Variants in APOOL observed in about 807,000 individuals in gnomAD.
APOOL encodes the protein MICOS complex subunit MIC27.
APOOL carries 12 observed loss-of-function variants against 23.1 expected under a neutral mutation model. The observed-to-expected ratio is 0.52, with a 90% CI of 0.33 to 0.84. APOOL has a LOEUF of 0.84. Among genes scored for constraint, APOOL ranks in the 40% least tolerant of loss-of-function variants. The probability of loss-of-function intolerance (pLI) is 0.02; values close to 1 mark genes in which losing one functional copy is unlikely to be tolerated. For synonymous variants in APOOL, 77 were observed against 69.9 expected (o/e 1.10, Z -0.51); for missense variants, 212 against 199.6 (o/e 1.06, Z -0.37).
intron 1 of APOOL, among the ~76,000 whole-genome samples, chrX:85,043,646 T>C (rs1428244520): frequency 8.9e-6 from 1 of 111,886 alleles, no homozygotes; most frequent in Non-Finnish European, 1.9e-5. Context: ...TAGTGACATG[T>C]ACTTCACCAG....
At chrX:85,037,795 A>G (rs991412489) in intron 1 of APOOL, among the ~76,000 whole-genome samples, 2 of 111,501 alleles carry the variant, frequency 1.8e-5, no homozygotes, top group South Asian at 3.8e-4. Context: ...ATGAAAATGG[A>G]TCCCTATCTG....
chrX:85,092,517 G>C lies in APOOL; in HGVS notation c.*4839G>C. On this transcript the variant is annotated 3_prime_UTR_variant, in exon 9 of 9. Transcript: ENST00000373173. ...AGTTGATAGAAGCCTGGTTCCAAAT[G>C]ACGACAAGAAAGTGCATGCAGTTAC... The C allele has an allele frequency of 8.3e-7, 1 of 1,210,528 alleles. No individual in the cohort carries two copies. The highest frequency in any genetic ancestry group is 1.1e-6 in the Non-Finnish European group (1 of 894,654).
intron 6 of APOOL, 75 bp from the exon 7 acceptor site, chrX:85,073,923 C>T: frequency 7.0e-6 from 5 of 717,190 alleles, no homozygotes; most frequent in Non-Finnish European, 4.0e-6. Flanking sequence ...TATAAAATAC[C>T]TGACAAATCT....
In APOOL at chrX:85,091,755, A is replaced by G. The variant is rs902168418; in HGVS notation, c.*4077A>G. On this transcript the variant is annotated 3_prime_UTR_variant, in exon 9 of 9. Coordinates refer to ENST00000373173, the MANE Select transcript of APOOL (RefSeq NM_198450.6). ...GGAGGCAGTGGTACTTAAGCTGCTC[A>G]AGGTAGGGAAGCAGTTTACTTGCTA... 1 of 111,884 alleles carries G rather than the reference A, an allele frequency of 8.9e-6. No homozygotes were observed. Among genetic ancestry groups the G allele is most frequent in the African/African-American group, 3.2e-5 (1 of 30,813 alleles). The allele number at this position is 111,884 out of a possible 1,213,427, so 9.2% of individuals were successfully genotyped here.
At chrX:85,067,631 C>CAT (rs1429240702) in intron 6 of APOOL, among the ~76,000 whole-genome samples, 1 of 98,270 alleles carries the variant, frequency 1.0e-5, no homozygotes, top group African/African-American at 4.2e-5. Flanking sequence ...AGGTAAAACA[C>CAT]ACACACACAC....
At chrX:85,086,158 T>C (rs1363186755) in intron 8 of APOOL, among the ~76,000 whole-genome samples, 2 of 111,876 alleles carry the variant, frequency 1.8e-5, no homozygotes, top group Non-Finnish European at 3.8e-5. Flanking sequence ...CTCCATCTTA[T>C]GCAATCCATC....
chrX:85,050,924 GT>G (rs764379668), intron 2 of APOOL, among the ~76,000 whole-genome samples: 4 of 110,080 alleles, frequency 3.6e-5, no homozygotes, highest in Admixed American at 9.7e-5. Flanking sequence ...GCTAAGCAAT[GT>G]TTTTTTTAAG....
intron 1 of APOOL, among the ~76,000 whole-genome samples, chrX:85,029,699 G>C (rs780407069): frequency 9.0e-6 from 1 of 111,420 alleles, no homozygotes; most frequent in Non-Finnish European, 1.9e-5. Flanking sequence ...CCATCAAAAA[G>C]TGGGCAAAGA....
At chrX:85,087,322 T>C (rs968137682) in intron 8 of APOOL, among the ~76,000 whole-genome samples, 1 of 111,171 alleles carries the variant, frequency 9.0e-6, no homozygotes, top group African/African-American at 3.3e-5. Context: ...GGCTCATGTA[T>C]CACCTTTCCA....
rs756954296 is a variant in APOOL, at chrX:85,012,223, G to C, written c.15+8296G>C. Among the ~76,000 whole-genome samples the C allele has an allele frequency of 3.9e-4, 44 of 111,619 alleles. 1 individual carries two copies. The highest frequency in any genetic ancestry group is 3.6e-3 in the Admixed American group (38 of 10,506). ...AACCTGAGACTTTACTGAATCATTT[G>C]TTAGATCTAGGAGCTTTTTGGATGA... On this transcript the variant is annotated intron_variant, in intron 1 of 8. Transcript: ENST00000373173.
intron 8 of APOOL, among the ~76,000 whole-genome samples, chrX:85,079,576 G>T (rs60633998): frequency 1.7e-4 from 19 of 111,450 alleles, no homozygotes; most frequent in African/African-American, 6.2e-4. Context: ...CTCTGCCAGG[G>T]TTTGGTATCA....
Position 85,092,060 on chromosome X carries a change from A to C in APOOL, c.*4382A>C. The stretch of plus-strand genomic sequence containing the variant: ...AAAAATGCTGCCAGTTGATCATTAC[A>C]TTTATCCCGACATCAGATATGTCAA... On this transcript the variant is annotated 3_prime_UTR_variant, in exon 9 of 9. Transcript: ENST00000373173. The C allele has an allele frequency of 6.2e-6, 1 of 161,731 alleles. No homozygotes were observed. Among genetic ancestry groups the C allele is most frequent in the South Asian group, 2.9e-4 (1 of 3,445 alleles). The allele number at this position is 161,731 out of a possible 1,213,427, so 13.3% of individuals were successfully genotyped here.
chrX:85,032,387 G>A (rs1326757963), intron 1 of APOOL, among the ~76,000 whole-genome samples: 6 of 111,141 alleles, frequency 5.4e-5, no homozygotes, highest in Non-Finnish European at 1.1e-4. Context: ...GGTGGCACAT[G>A]CCTGTAATCC....
rs1002765850 is a variant in APOOL at position 85,015,755 on chromosome X, A to G, written c.15+11828A>G. Among the ~76,000 whole-genome samples the G allele has an allele frequency of 3.6e-5, 4 of 110,291 alleles. No individual in the cohort carries two copies. In the East Asian group the frequency reaches 8.6e-4, roughly 24 times the overall value. ...GGCTAATTTTGTATTTTTATTAGAGATGGGGTTTCACCATGTTGGCCAGGC... is the reference window on the plus strand; with the variant it reads ...GGCTAATTTTGTATTTTTATTAGAGGTGGGGTTTCACCATGTTGGCCAGGC... On this transcript the variant is annotated intron_variant, in intron 1 of 8. Transcript: ENST00000373173.
chrX:85,046,267 A>G lies in APOOL; in HGVS notation c.16-179A>G, dbSNP rs777815690. The G allele has an allele frequency of 6.4e-5, 25 of 392,513 alleles. No individual in the cohort carries two copies. In the East Asian group the frequency reaches 8.9e-4, roughly 14 times the overall value. The allele number at this position is 392,513 out of a possible 1,213,427, so 32.3% of individuals were successfully genotyped here. A position where few individuals can be genotyped will look rare whatever the true frequency, so the allele number is the denominator to read the frequency against. ...TAAAAATAGTGCTCTGCCATCCAGT[A>G]TGAGAAGATAATTTTATGAACTATG... On this transcript the variant is annotated intron_variant, in intron 1 of 8. Transcript: ENST00000373173.
chrX:85,068,609 C>T (rs1340062421), intron 6 of APOOL, among the ~76,000 whole-genome samples: 2 of 108,011 alleles, frequency 1.9e-5, no homozygotes, highest in Non-Finnish European at 3.8e-5. Context: ...TTTCACCAGG[C>T]TGGCCAGGCT....
chrX:85,081,907 G>A (rs1453606744), intron 8 of APOOL, among the ~76,000 whole-genome samples: 2 of 111,834 alleles, frequency 1.8e-5, no homozygotes, highest in African/African-American at 6.5e-5. Flanking sequence ...TTGTGCATGA[G>A]TCATGTAGCT....
chrX:85,045,815 G>T (rs1922555126), intron 1 of APOOL, among the ~76,000 whole-genome samples: 1 of 111,536 alleles, frequency 9.0e-6, no homozygotes, highest in African/African-American at 3.3e-5. Flanking sequence ...AAAATCAGGG[G>T]CAAAGGATTT....
chrX:85,086,704 A>AT lies in APOOL; in HGVS notation c.719-873dup, dbSNP rs995127451. Among the ~76,000 whole-genome samples, 567 of 102,880 alleles carry AT rather than the reference A, an allele frequency of 5.5e-3. 5 individuals are homozygous for AT. Among genetic ancestry groups the AT allele is most frequent in the East Asian group, 0.043 (142 of 3,296 alleles). 89.3% of individuals were successfully genotyped at this position (102,880 alleles called of 115,157 possible). On this transcript the variant is annotated intron_variant, in intron 8 of 8. Transcript: ENST00000373173. Reference sequence around the variant, plus strand: ...TTTCTTTTCCCCATAGCCAAGAGTGATTTTTTTTTTTTTGAGACGGAGTCT... The same window carrying AT: ...TTTCTTTTCCCCATAGCCAAGAGTGATTTTTTTTTTTTTTGAGACGGAGTCT...
Sources: allele counts gnomAD v4.1 joint callset (sites outside exome capture counted in the v4.1 genomes callset), GRCh38; gene constraint gnomAD v4.1.1; transcripts MANE v1.5; gene names NCBI Gene and HGNC (gene_info 2026-07-23, HGNC 2026-07-21).